The following CCSER1 variants were observed in gnomAD, a reference collection of about 807,000 sequenced individuals.
CCSER1 encodes the protein serine-rich coiled-coil domain-containing protein 1.
CCSER1 carries 41 observed loss-of-function variants against 82.0 expected under a neutral mutation model. The observed-to-expected ratio is 0.50, with a 90% confidence interval of 0.39 to 0.65. CCSER1 has a LOEUF of 0.65. Among genes scored for constraint, CCSER1 ranks in the 30% least tolerant of loss-of-function variants. The probability of loss-of-function intolerance (pLI) is 0.00; values close to 1 mark genes in which losing one functional copy is unlikely to be tolerated. For missense variants in CCSER1, 1,119 were observed against 1,064.2 expected (o/e 1.05, Z -0.72); for synonymous variants, 414 against 383.9 (o/e 1.08, Z -0.92).
At chr4:90,269,222 G>T (rs1725804752) in intron 1 of CCSER1, among the ~76,000 whole-genome samples, 1 of 152,088 alleles carries the variant, frequency 6.6e-6, no homozygotes, top group Non-Finnish European at 1.5e-5. Context: ...TGCAACAGCT[G>T]CAGAGTACAT....
At chr4:91,419,286 T>A (rs1051628950) in intron 10 of CCSER1, among the ~76,000 whole-genome samples, 1 of 151,978 alleles carries the variant, frequency 6.6e-6, no homozygotes, top group Non-Finnish European at 1.5e-5. Flanking sequence ...AAGGAAGAAG[T>A]TAAGTTGTCT....
intron 10 of CCSER1, among the ~76,000 whole-genome samples, chr4:91,329,912 G>C (rs1056401850): frequency 1.3e-5 from 2 of 151,712 alleles, no homozygotes; most frequent in African/African-American, 4.8e-5. Context: ...CCAGATATTT[G>C]CTACTTTTAT....
chr4:90,202,643 A>C (rs1578465226), intron 1 of CCSER1, among the ~76,000 whole-genome samples: 1 of 152,196 alleles, frequency 6.6e-6, no homozygotes, highest in Non-Finnish European at 1.5e-5. Flanking sequence ...GCTCTAATGC[A>C]TTTTGTATTT....
chr4:91,478,733 T>C (rs7675583), intron 10 of CCSER1, among the ~76,000 whole-genome samples: 87,697 of 151,582 alleles, frequency 0.58, 25,848 homozygotes, highest in East Asian at 0.87. Context: ...GTTGATCATA[T>C]AGATGACATT....
chr4:91,166,682 T>C (rs72872959), intron 10 of CCSER1, among the ~76,000 whole-genome samples: 1 of 152,070 alleles, frequency 6.6e-6, no homozygotes, highest in East Asian at 1.9e-4. Flanking sequence ...ATTAGTAGTA[T>C]AAAGTTAGAT....
intron 7 of CCSER1, among the ~76,000 whole-genome samples, chr4:90,762,631 G>A (rs1400920643): frequency 6.6e-6 from 1 of 152,070 alleles, no homozygotes; most frequent in African/African-American, 2.4e-5. Context: ...AACTGTTTAT[G>A]GCTTCTAATA....
chr4:91,309,440 A>G (rs1027639298), intron 10 of CCSER1, among the ~76,000 whole-genome samples: 6 of 152,006 alleles, frequency 3.9e-5, no homozygotes, highest in African/African-American at 1.4e-4. Context: ...TTAAATAGAA[A>G]GAAAGAGAGA....
rs562393467 is a variant in CCSER1, at chr4:90,190,654, G to A, written c.-42+62823G>A. Among the ~76,000 whole-genome samples, 38 of 152,224 alleles carry A rather than the reference G, an allele frequency of 2.5e-4. 1 individual carries two copies. In the South Asian group the frequency reaches 5.6e-3, roughly 22 times the overall value. ...CTTGGCCACTTGTTCCCAGACAATA[G>A]TGATAGGATTCCACTTGCCCTAAGG... On this transcript the variant is annotated intron_variant, in intron 1 of 10. Coordinates refer to ENST00000509176, the MANE Select transcript of CCSER1 (RefSeq NM_001145065.2).
At chr4:90,891,213 T>G (rs1400620148) in intron 8 of CCSER1, among the ~76,000 whole-genome samples, 1 of 151,744 alleles carries the variant, frequency 6.6e-6, no homozygotes, top group Admixed American at 6.6e-5. Flanking sequence ...GTCAGTCTTA[T>G]GAATGTATTT....
intron 1 of CCSER1, among the ~76,000 whole-genome samples, chr4:90,269,954 C>A (rs1244852088): frequency 6.6e-6 from 1 of 151,970 alleles, no homozygotes; most frequent in African/African-American, 2.4e-5. Flanking sequence ...ACACATATAA[C>A]CTACCAAGAT....
chr4:91,500,216 A>G (rs1759136518), intron 10 of CCSER1, among the ~76,000 whole-genome samples: 1 of 151,978 alleles, frequency 6.6e-6, no homozygotes, highest in South Asian at 2.1e-4. Flanking sequence ...GCAATGCCCT[A>G]ATGACATAAT....
chr4:91,121,722 A>G (rs1200842701), intron 10 of CCSER1, among the ~76,000 whole-genome samples: 3 of 151,608 alleles, frequency 2.0e-5, no homozygotes, highest in African/African-American at 7.2e-5. Context: ...TTAAAATGTA[A>G]TACTTTCCTT....
intron 4 of CCSER1, among the ~76,000 whole-genome samples, chr4:90,404,419 G>C (rs1753400942): frequency 6.6e-6 from 1 of 152,040 alleles, no homozygotes; most frequent in Non-Finnish European, 1.5e-5. Flanking sequence ...TAATCTCTTG[G>C]GTGTTCTATG....
intron 1 of CCSER1, among the ~76,000 whole-genome samples, chr4:90,167,729 G>T (rs1270895733): frequency 6.6e-6 from 1 of 151,800 alleles, no homozygotes; most frequent in African/African-American, 2.4e-5. Flanking sequence ...GCAGTGTTTG[G>T]TTTTTTGTCC....
At chr4:90,600,205 C>T (rs1257612061) in intron 5 of CCSER1, among the ~76,000 whole-genome samples, 7 of 152,046 alleles carry the variant, frequency 4.6e-5, no homozygotes, top group African/African-American at 1.4e-4. Context: ...GTATTTATTT[C>T]TCTTGAGTAA....
intron 5 of CCSER1, among the ~76,000 whole-genome samples, chr4:90,496,612 A>G (rs1769040639): frequency 6.6e-6 from 1 of 152,228 alleles, no homozygotes; most frequent in African/African-American, 2.4e-5. Context: ...CTCTCAGTTT[A>G]ATCAACTATG....
chr4:90,181,973 A>G (rs1387257408), intron 1 of CCSER1, among the ~76,000 whole-genome samples: 2 of 152,176 alleles, frequency 1.3e-5, no homozygotes, highest in Non-Finnish European at 2.9e-5. Flanking sequence ...TTTGGGATAC[A>G]GTAAGAGGTC....
chr4:90,396,770 G>A (rs1225560551), intron 3 of CCSER1, among the ~76,000 whole-genome samples: 1 of 151,840 alleles, frequency 6.6e-6, no homozygotes, highest in African/African-American at 2.4e-5. Flanking sequence ...CAAAATGATT[G>A]TCCCAGAAAC....
intron 9 of CCSER1, among the ~76,000 whole-genome samples, chr4:91,064,777 T>G (rs1297643783): frequency 6.6e-6 from 1 of 152,222 alleles, no homozygotes; most frequent in East Asian, 1.9e-4. Flanking sequence ...CAGGCCCTTC[T>G]AAAGAGTAGT....
Sources: gnomAD v4.1 joint callset for allele counts (sites outside exome capture counted in the v4.1 genomes callset) on GRCh38, gnomAD v4.1.1 for gene constraint, MANE v1.5 for transcripts, NCBI Gene and HGNC (gene_info 2026-07-23, HGNC 2026-07-21) for gene names.